Variants in ERC1 observed in about 807,000 individuals in gnomAD.
The protein encoded by ERC1 is ELKS/RAB6-interacting/CAST family member 1.
Under a neutral mutation model 132.0 loss-of-function variants are expected in ERC1, and 56 were observed. The ratio of observed to expected loss-of-function variants is 0.42; its 90% CI spans 0.34 to 0.53. The LOEUF is 0.53. Among genes scored for constraint, ERC1 ranks in the 20% least tolerant of loss-of-function variants. ERC1 has a pLI of 0.03. For missense variants in ERC1, 1,202 were observed against 1,349.9 expected (o/e 0.89, Z 1.72); for synonymous variants, 478 against 476.1 (o/e 1.00, Z -0.05).
intron 7 of ERC1, among the ~76,000 whole-genome samples, chr12:1,140,037 A>G (rs1949721878): frequency 6.6e-6 from 1 of 152,166 alleles, no homozygotes; most frequent in Non-Finnish European, 1.5e-5. Flanking sequence ...GTGGTGAATA[A>G]TGACAAATGG....
chr12:1,259,075 AT>A (rs1475992654), intron 13 of ERC1, among the ~76,000 whole-genome samples: 1 of 148,442 alleles, frequency 6.7e-6, no homozygotes, highest in Non-Finnish European at 1.5e-5. Flanking sequence ...ATATTTTTCA[AT>A]TTTCTTTTGA....
At position 1,028,080 on chromosome 12, in the gene ERC1, A is replaced by G. The variant is rs1241975539; in HGVS notation, c.177A>G (p.Ile59Met). Reference protein sequence around the residue: ...GSGKTLSMENIQSLNAAYATS... With the variant: ...GSGKTLSMENMQSLNAAYATS... ...GGAAAACCCTTTCAATGGAAAATAT[A>G]CAATCTTTAAATGCTGCCTATGCCA... Residue 59 changes from isoleucine (I) to methionine (M), a missense_variant, in exon 2 of 19, where the codon ATA (isoleucine) becomes ATG (methionine). Ile to Met is a conservative substitution (Grantham distance 10, BLOSUM62 1). Transcript: ENST00000360905. The G allele has an allele frequency of 6.2e-6, 10 of 1,614,206 alleles. No individual in the cohort carries two copies. In the East Asian group the frequency reaches 1.3e-4, roughly 22 times the overall value.
chr12:1,362,354 C>A (rs770798343), intron 15 of ERC1, among the ~76,000 whole-genome samples: 2 of 152,144 alleles, frequency 1.3e-5, no homozygotes, highest in Non-Finnish European at 2.9e-5. Context: ...TCTGCTCTGT[C>A]CATCCGATCT....
At chr12:1,160,355 A>G (rs1951775680) in intron 8 of ERC1, among the ~76,000 whole-genome samples, 1 of 152,176 alleles carries the variant, frequency 6.6e-6, no homozygotes, top group Non-Finnish European at 1.5e-5. Context: ...TTTTTTTTGT[A>G]AGCTCACTTT....
chr12:1,449,251 G>A (rs973111559), intron 18 of ERC1, among the ~76,000 whole-genome samples: 2 of 152,106 alleles, frequency 1.3e-5, no homozygotes, highest in African/African-American at 4.8e-5. Flanking sequence ...CTTTGGACTT[G>A]GACTTTTGGG....
intron 12 of ERC1, among the ~76,000 whole-genome samples, chr12:1,230,949 G>C (rs1566321053): frequency 6.6e-6 from 1 of 152,026 alleles, no homozygotes; most frequent in African/African-American, 2.4e-5. Context: ...GCCTGTGTGT[G>C]TCCTTACAGC....
intron 18 of ERC1, among the ~76,000 whole-genome samples, chr12:1,454,947 T>C (rs7967657): frequency 0.11 from 17,425 of 152,192 alleles, 3,356 homozygotes; most frequent in African/African-American, 0.4. Flanking sequence ...GGGTGATTCT[T>C]AGACCATTTT....
chr12:1,380,876 A>T (rs914933673), intron 16 of ERC1: 2 of 152,256 alleles, frequency 1.3e-5, no homozygotes, highest in Non-Finnish European at 2.9e-5. Flanking sequence ...GTTGTTAGTG[A>T]ATAAAGGGAA....
intron 5 of ERC1, 151 bp from the exon 6 acceptor site, chr12:1,112,064 C>A (rs564225912): frequency 3.6e-6 from 2 of 561,060 alleles, no homozygotes; most frequent in Admixed American, 5.6e-5. Flanking sequence ...TTAGAAACTA[C>A]CTATGGCTCT....
At chr12:1,098,673 T>A (rs1266511897) in intron 3 of ERC1, among the ~76,000 whole-genome samples, 2 of 152,240 alleles carry the variant, frequency 1.3e-5, no homozygotes, top group Admixed American at 1.3e-4. Flanking sequence ...GAATTTTTTT[T>A]GATAAAATAA....
At chr12:1,418,737 ATCTC>A (rs1167790372) in intron 17 of ERC1, among the ~76,000 whole-genome samples, 3 of 114,824 alleles carry the variant, frequency 2.6e-5, no homozygotes, top group African/African-American at 7.0e-5. Context: ...TGGAGACAGG[ATCTC>A]TCTCTCTGTC....
chr12:1,191,906 A>C (rs1156689024), intron 12 of ERC1, among the ~76,000 whole-genome samples: 3 of 152,088 alleles, frequency 2.0e-5, no homozygotes, highest in African/African-American at 7.2e-5. Flanking sequence ...CCAGGTTTGT[A>C]GTTTGCTACT....
chr12:1,216,917 G>C (rs528122508), intron 12 of ERC1, among the ~76,000 whole-genome samples: 1 of 152,258 alleles, frequency 6.6e-6, no homozygotes, highest in South Asian at 2.1e-4. Context: ...GAAAATAATA[G>C]AGGTAGAGGA....
chr12:1,484,031 C>T (rs569825387), intron 18 of ERC1, among the ~76,000 whole-genome samples: 8 of 150,626 alleles, frequency 5.3e-5, no homozygotes, highest in East Asian at 4.1e-4. Context: ...TCCAGCCGGG[C>T]GTGGTGGCTC....
intron 6 of ERC1, among the ~76,000 whole-genome samples, chr12:1,114,292 A>AT (rs1339880519): frequency 6.6e-6 from 1 of 152,186 alleles, no homozygotes; most frequent in African/African-American, 2.4e-5. Context: ...AAGTGCAATG[A>AT]TTACAGGCGT....
intron 14 of ERC1, among the ~76,000 whole-genome samples, chr12:1,277,095 C>T (rs956406565): frequency 1.3e-5 from 2 of 152,266 alleles, no homozygotes; most frequent in Admixed American, 1.3e-4. Context: ...TCATTATTAT[C>T]CCTGACCTGT....
chr12:1,427,065 G>A (rs2092663906), intron 17 of ERC1, among the ~76,000 whole-genome samples: 1 of 152,062 alleles, frequency 6.6e-6, no homozygotes, highest in South Asian at 2.1e-4. Context: ...CACCAGCCTA[G>A]AAGTGTCTCA....
intron 2 of ERC1, among the ~76,000 whole-genome samples, chr12:1,048,672 C>G (rs546334549): frequency 6.6e-6 from 1 of 152,208 alleles, no homozygotes; most frequent in East Asian, 1.9e-4. Flanking sequence ...ATGCTTTTCC[C>G]TTAATGTTGT....
chr12:1,338,528 G>A (rs1595087736), intron 15 of ERC1, among the ~76,000 whole-genome samples: 1 of 152,112 alleles, frequency 6.6e-6, no homozygotes, highest in Non-Finnish European at 1.5e-5. Flanking sequence ...TCTGCCTTCT[G>A]TTTCTGTCAT....
Sources: allele counts gnomAD v4.1 joint callset (sites outside exome capture counted in the v4.1 genomes callset), GRCh38; gene constraint gnomAD v4.1.1; transcripts MANE v1.5; gene names NCBI Gene and HGNC (gene_info 2026-07-23, HGNC 2026-07-21).